The following KCTD1 variants were observed in gnomAD, a reference collection of about 807,000 sequenced individuals.
KCTD1 encodes BTB/POZ domain-containing protein KCTD1.
KCTD1 carries 24 observed loss-of-function variants against 66.0 expected under a neutral mutation model. That is an observed-to-expected ratio of 0.36 (90% CI 0.26 to 0.51). KCTD1 has a LOEUF of 0.51. KCTD1 is among the 20% of genes least tolerant of loss of function. KCTD1 has a pLI of 0.95. For synonymous variants in KCTD1, 511 were observed against 517.2 expected (o/e 0.99, Z 0.16); for missense variants, 943 against 1,205.2 (o/e 0.78, Z 3.22).
chr18:26,460,014 CTTG>C lies in KCTD1; in HGVS notation c.2134-92_2134-90del, dbSNP rs1980331923. On this transcript the variant is annotated intron_variant, in intron 3 of 4. Coordinates refer to ENST00000580059, the MANE Select transcript of KCTD1 (RefSeq NM_001142730.3). ...TCTAAGAGGTGATTTTTTTCCACTT[CTTG>C]TTATGTCACTAATCAAATCTGCATG... 2 of 966,250 alleles carry C rather than the reference CTTG, an allele frequency of 2.1e-6. 1 individual carries two copies. Among genetic ancestry groups the C allele is most frequent in the Middle Eastern group, 4.5e-4 (2 of 4,484 alleles). 59.9% of individuals were successfully genotyped at this position (966,250 alleles called of 1,614,324 possible).
chr18:26,457,781 G>A (rs1285936090), intron 4 of KCTD1: 1 of 152,238 alleles, frequency 6.6e-6, no homozygotes, highest in Non-Finnish European at 1.5e-5. Context: ...GAGTCTCTGC[G>A]TGCCCATAGG....
chr18:26,652,762 C>CT (rs1293804018), intron 1 of KCTD1, among the ~76,000 whole-genome samples: 1 of 152,210 alleles, frequency 6.6e-6, no homozygotes, highest in South Asian at 2.1e-4. Flanking sequence ...TGACTAGATG[C>CT]TTTGGTTTCC....
At chr18:26,600,104 C>A (rs1181991515) in intron 1 of KCTD1, 2 of 1,610,564 alleles carry the variant, frequency 1.2e-6, no homozygotes, top group Admixed American at 1.7e-5. Context: ...TCCCTGCAGG[C>A]TGCTTCTTGT....
intron 1 of KCTD1, among the ~76,000 whole-genome samples, chr18:26,623,158 C>G (rs1390191332): frequency 6.6e-6 from 1 of 152,176 alleles, no homozygotes; most frequent in Non-Finnish European, 1.5e-5. Flanking sequence ...TCCCTCCTAC[C>G]CACTACCCGC....
intron 1 of KCTD1, among the ~76,000 whole-genome samples, chr18:26,527,989 G>A (rs1306986324): frequency 6.6e-6 from 1 of 152,016 alleles, no homozygotes; most frequent in African/African-American, 2.4e-5. Context: ...CTGCATACAG[G>A]CACTGCACTT....
In KCTD1 at chr18:26,503,501, AACACACAC is replaced by A. The variant is rs150385721; in HGVS notation, c.1810-2259_1810-2252del. Among the ~76,000 whole-genome samples, 6 of 151,882 alleles carry A rather than the reference AACACACAC, an allele frequency of 4.0e-5. No individual in the cohort carries two copies. The East Asian group carries it at 1.2e-3, about 29-fold the overall frequency. On this transcript the variant is annotated intron_variant, in intron 1 of 4. Coordinates refer to ENST00000580059, the MANE Select transcript of KCTD1 (RefSeq NM_001142730.3). ...ATGATTTCCTGGCTACGGACACACA[AACACACAC>A]ACACAGGCACACACACACCTCCCTC... is the stretch of plus-strand genomic sequence containing the variant.
At chr18:26,549,390 C>T (rs947160456), upstream of KCTD1, 2 of 985,548 alleles carry the variant, frequency 2.0e-6, no homozygotes, top group African/African-American at 1.7e-5. Context: ...TCATTAAAGA[C>T]CTGGGGCGCT....
At chr18:26,652,380 C>A (rs1373532805) in intron 1 of KCTD1, among the ~76,000 whole-genome samples, 3 of 151,910 alleles carry the variant, frequency 2.0e-5, no homozygotes, top group Non-Finnish European at 4.4e-5. Flanking sequence ...TACATCAAAC[C>A]CCTATGGAGA....
In KCTD1 at chr18:26,476,176, G is replaced by A. The variant is rs184953149; in HGVS notation, c.2133+339C>T. Among the ~76,000 whole-genome samples, 123 of 152,248 alleles carry A rather than the reference G, an allele frequency of 8.1e-4. 1 individual carries two copies. The highest frequency in any genetic ancestry group is 2.7e-3 in the African/African-American group (112 of 41,528). ...GTTCATGTTTGCTTTCGATTTCTAG[G>A]GGCGGGGACGGGGAAGTCTTCATTA... is the stretch of plus-strand genomic sequence containing the variant. On this transcript the variant is annotated intron_variant, in intron 3 of 4. Transcript: ENST00000580059. The surrounding 1 kb of genome is among the most constrained non-coding windows in gnomAD (Gnocchi z 4.9).
chr18:26,533,950 T>C (rs1984570820), intron 1 of KCTD1, among the ~76,000 whole-genome samples: 1 of 152,162 alleles, frequency 6.6e-6, no homozygotes, highest in Non-Finnish European at 1.5e-5. Context: ...GACTAAGATA[T>C]TTCTTTATTG....
intron 1 of KCTD1, among the ~76,000 whole-genome samples, chr18:26,606,973 C>G (rs543542696): frequency 1.4e-5 from 2 of 146,952 alleles, no homozygotes; most frequent in South Asian, 4.4e-4. Flanking sequence ...AGACCCAGAT[C>G]AAATATAATC....
intron 1 of KCTD1, among the ~76,000 whole-genome samples, chr18:26,514,189 T>C (rs1983508782): frequency 6.6e-6 from 1 of 152,116 alleles, no homozygotes. Context: ...AAAGTAACGA[T>C]CTCTTGTAAG....
upstream of KCTD1, among the ~76,000 whole-genome samples, chr18:26,640,500 G>A (rs1489204223): frequency 2.6e-5 from 4 of 152,078 alleles, no homozygotes; most frequent in Admixed American, 2.6e-4. Flanking sequence ...GGGGATGGGG[G>A]CATGGAAGTA....
intron 1 of KCTD1, among the ~76,000 whole-genome samples, chr18:26,570,713 T>C (rs1986088006): frequency 6.6e-6 from 1 of 152,186 alleles, no homozygotes; most frequent in Non-Finnish European, 1.5e-5. Flanking sequence ...ACCGGGCCTC[T>C]ATTACTTTCT....
rs368499374 is a variant in KCTD1, at chr18:26,527,840, T to C, written c.1809+18888A>G. On this transcript the variant is annotated intron_variant, in intron 1 of 4. Transcript: ENST00000580059. ...TCTGACAAATGTTATTAAGGAAAAA[T>C]AAATAAGAGAAAAAAAATAATTGTT... Among the ~76,000 whole-genome samples the C allele has an allele frequency of 4.1e-4, 62 of 150,636 alleles. 3 individuals are homozygous for C. Among genetic ancestry groups the C allele is most frequent in the African/African-American group, 1.4e-3 (58 of 40,900 alleles).
intron 1 of KCTD1, among the ~76,000 whole-genome samples, chr18:26,590,816 A>G (rs1252653235): frequency 6.6e-6 from 1 of 152,168 alleles, no homozygotes; most frequent in East Asian, 1.9e-4. Context: ...CTTGTGTTCA[A>G]GAGATTCTGG....
At chr18:26,536,700 A>G (rs1984724451) in intron 1 of KCTD1, among the ~76,000 whole-genome samples, 1 of 152,072 alleles carries the variant, frequency 6.6e-6, no homozygotes. Flanking sequence ...AAATATTTCT[A>G]AGTTATTCTT....
At chr18:26,620,624 C>G (rs1285024405) in intron 1 of KCTD1, among the ~76,000 whole-genome samples, 1 of 151,660 alleles carries the variant, frequency 6.6e-6, no homozygotes, top group African/African-American at 2.4e-5. Flanking sequence ...TTTGTAGAGA[C>G]AGGGTTTCGC....
chr18:26,519,976 A>G (rs1983834841), intron 1 of KCTD1, among the ~76,000 whole-genome samples: 2 of 152,242 alleles, frequency 1.3e-5, no homozygotes, highest in South Asian at 4.1e-4. Context: ...GCGAGAGCCT[A>G]TTCACTGTAC....
Sources: allele counts gnomAD v4.1 joint callset (sites outside exome capture counted in the v4.1 genomes callset), GRCh38; gene constraint gnomAD v4.1.1; non-coding constraint Gnocchi (gnomAD v3.1); transcripts MANE v1.5; gene names NCBI Gene and HGNC (gene_info 2026-07-23, HGNC 2026-07-21).